CDH11: variants seen among roughly 807,000 people sequenced by gnomAD.
CDH11 encodes cadherin-11.
A neutral mutation model predicts 67.8 loss-of-function variants in CDH11; 11 were observed. The ratio of observed to expected loss-of-function variants is 0.16; its 90% CI spans 0.10 to 0.27. The LOEUF is 0.27. Ranked by LOEUF, CDH11 falls within the 10% of genes least tolerant of loss-of-function variation. The pLI is 1.00. For synonymous variants in CDH11, 419 were observed against 400.0 expected, an observed-to-expected ratio of 1.05 and a Z score of -0.57; for missense variants, 847 against 1,031.2, an observed-to-expected ratio of 0.82 and a Z score of 2.45.
chr16:64,969,255 G>A (rs936294366), intron 11 of CDH11, among the ~76,000 whole-genome samples: 1 of 152,138 alleles, frequency 6.6e-6, no homozygotes, highest in Non-Finnish European at 1.5e-5. Flanking sequence ...AAATATGATT[G>A]CACATATAAA....
intron 2 of CDH11, among the ~76,000 whole-genome samples, chr16:65,011,883 T>C (rs2073191561): frequency 6.6e-6 from 1 of 152,184 alleles, no homozygotes; most frequent in African/African-American, 2.4e-5. Flanking sequence ...TGTAATGTCA[T>C]TTGTGGTATC....
At chr16:64,977,401 G>T (rs530929163) in intron 8 of CDH11, among the ~76,000 whole-genome samples, 305 of 152,256 alleles carry the variant, frequency 2.0e-3, no homozygotes, top group African/African-American at 6.9e-3. Flanking sequence ...TTGCAGATGT[G>T]AATCCTTGGA....
intron 2 of CDH11, among the ~76,000 whole-genome samples, chr16:65,045,413 C>T (rs1256785664): frequency 7.5e-6 from 1 of 132,864 alleles, no homozygotes; most frequent in East Asian, 2.2e-4. Flanking sequence ...TGGAATGGTG[C>T]TTAAACTGTA....
intron 11 of CDH11, among the ~76,000 whole-genome samples, chr16:64,954,254 C>A (rs756520083): frequency 6.6e-6 from 1 of 152,176 alleles, no homozygotes; most frequent in Non-Finnish European, 1.5e-5. Flanking sequence ...TCAGTAGGAT[C>A]GCAAGAACTT....
intron 1 of CDH11, among the ~76,000 whole-genome samples, chr16:65,108,177 C>T (rs1266300594): frequency 6.6e-6 from 1 of 152,162 alleles, no homozygotes; most frequent in East Asian, 1.9e-4. Flanking sequence ...GGGGCAGCTA[C>T]AACGATGCCT....
Position 65,021,388 on chromosome 16 carries a change from A to C in CDH11, c.-172-16347T>G, listed in dbSNP as rs535836862. ...GGCACTTCCTCTGTTTTTCCCAAGG[A>C]CTTCTAGAATGTTAGAAATTACCTT... On this transcript the variant is annotated intron_variant, in intron 2 of 12. Coordinates refer to ENST00000268603, the MANE Select transcript of CDH11 (RefSeq NM_001797.4). Among the ~76,000 whole-genome samples, 8 of 152,242 alleles carry C rather than the reference A, an allele frequency of 5.3e-5. No individual in the cohort carries two copies. The South Asian group carries it at 1.7e-3, about 32-fold the overall frequency.
intron 1 of CDH11, among the ~76,000 whole-genome samples, chr16:65,069,622 T>G (rs1430267226): frequency 6.6e-6 from 1 of 152,142 alleles, no homozygotes; most frequent in East Asian, 1.9e-4. Flanking sequence ...ACAAGCCAAT[T>G]TATTCCAAAA....
At chr16:65,042,627 G>A (rs571944360) in intron 2 of CDH11, among the ~76,000 whole-genome samples, 13 of 152,196 alleles carry the variant, frequency 8.5e-5, no homozygotes, top group East Asian at 7.7e-4. Flanking sequence ...AAAACAGGAC[G>A]TCAATAAATA....
At chr16:65,083,277 C>T (rs1161805971) in intron 1 of CDH11, among the ~76,000 whole-genome samples, 3 of 152,172 alleles carry the variant, frequency 2.0e-5, no homozygotes, top group African/African-American at 7.2e-5. Flanking sequence ...CCAATCTATG[C>T]AGTGGGGATG....
chr16:65,024,928 C>T (rs2073501318), intron 2 of CDH11, among the ~76,000 whole-genome samples: 1 of 152,178 alleles, frequency 6.6e-6, no homozygotes, highest in Non-Finnish European at 1.5e-5. Context: ...AGCTGAATTC[C>T]ACACAATTTT....
chr16:65,016,126 T>G (rs2073301720), intron 2 of CDH11, among the ~76,000 whole-genome samples: 1 of 152,222 alleles, frequency 6.6e-6, no homozygotes, highest in East Asian at 1.9e-4. Flanking sequence ...AAGATTAGAC[T>G]AAACTCTGCC....
intron 2 of CDH11, among the ~76,000 whole-genome samples, chr16:65,005,381 A>T (rs534534644): frequency 1.3e-5 from 2 of 152,356 alleles, no homozygotes; most frequent in South Asian, 4.1e-4. Flanking sequence ...AAAGGAGTCC[A>T]GATGAGGAAC....
At chr16:65,048,836 A>G (rs1306936960) in intron 2 of CDH11, among the ~76,000 whole-genome samples, 1 of 152,268 alleles carries the variant, frequency 6.6e-6, no homozygotes, top group Non-Finnish European at 1.5e-5. Flanking sequence ...GTATATCACG[A>G]AATACTACAC....
chr16:65,079,373 A>C (rs1032273223), intron 1 of CDH11, among the ~76,000 whole-genome samples: 1 of 152,212 alleles, frequency 6.6e-6, no homozygotes, highest in Non-Finnish European at 1.5e-5. Flanking sequence ...TATGAAAAAA[A>C]TTAATGTTTT....
intron 1 of CDH11, among the ~76,000 whole-genome samples, chr16:65,097,503 G>C (rs1186703628): frequency 6.6e-6 from 1 of 152,166 alleles, no homozygotes; most frequent in South Asian, 2.1e-4. Context: ...TGCACTGCAG[G>C]ACGTCTAGCG....
rs201262530 is a variant in CDH11, at chr16:64,980,110, TG to T, written c.1253+1937del. Among the ~76,000 whole-genome samples the T allele has an allele frequency of 2.3e-3, 345 of 152,102 alleles. 3 individuals carry two copies. The highest frequency in any genetic ancestry group is 7.6e-3 in the African/African-American group (316 of 41,498). ...GCTAATGGACATAGGATTTCTTTTG[TG>T]GGGGGGATCAATAAAAATATTCTGG... On this transcript the variant is annotated intron_variant, in intron 8 of 12. Transcript: ENST00000268603.
At chr16:64,974,056 A>T (rs1312802387) in intron 8 of CDH11, among the ~76,000 whole-genome samples, 8 of 152,152 alleles carry the variant, frequency 5.3e-5, no homozygotes, top group Non-Finnish European at 1.5e-5. Flanking sequence ...CGGATAAAAA[A>T]ACCACATAAT....
chr16:64,953,285 T>C (rs1019538719), intron 11 of CDH11, among the ~76,000 whole-genome samples: 8 of 143,316 alleles, frequency 5.6e-5, no homozygotes, highest in African/African-American at 2.0e-4. Flanking sequence ...TATATATGTA[T>C]GTATATACAC....
chr16:64,948,666 G>A (rs1328751666), intron 12 of CDH11: 1 of 1,610,690 alleles, frequency 6.2e-7, no homozygotes, highest in African/African-American at 1.3e-5. Context: ...GTTTTATAAA[G>A]ACCCCCAGAA....
Sources: allele counts gnomAD v4.1 joint callset (sites outside exome capture counted in the v4.1 genomes callset), GRCh38; gene constraint gnomAD v4.1.1; transcripts MANE v1.5; gene names NCBI Gene and HGNC (gene_info 2026-07-23, HGNC 2026-07-21).